The following SPOCK1 variants were observed in gnomAD, a reference collection of about 807,000 sequenced individuals.
SPOCK1 encodes SPARC (osteonectin), cwcv and kazal like domains proteoglycan 1.
A neutral mutation model predicts 55.3 loss-of-function variants in SPOCK1; 23 were observed. The ratio of observed to expected loss-of-function variants is 0.42; its 90% CI spans 0.30 to 0.59. SPOCK1 has a LOEUF of 0.59. SPOCK1 is among the 20% of genes least tolerant of loss of function. SPOCK1 has a pLI of 0.22. For missense variants in SPOCK1, 499 were observed against 552.5 expected (o/e 0.90, Z 0.97); for synonymous variants, 226 against 221.0 (o/e 1.02, Z -0.20).
intron 2 of SPOCK1, among the ~76,000 whole-genome samples, chr5:137,290,218 A>C (rs1326765279): frequency 2.0e-5 from 3 of 152,256 alleles, no homozygotes; most frequent in Non-Finnish European, 4.4e-5. Context: ...CAGGAATATT[A>C]ATCAAATGGA....
intron 3 of SPOCK1, among the ~76,000 whole-genome samples, chr5:137,175,049 G>C (rs1322779193): frequency 6.6e-6 from 1 of 152,276 alleles, no homozygotes; most frequent in East Asian, 1.9e-4. Flanking sequence ...AAAATCTACA[G>C]TTCAGTCCTG....
In SPOCK1 at chr5:136,991,328, A is replaced by C. The variant is rs753947652; in HGVS notation, c.706+1156T>G. ...CCAAGAACCACTTTGGAGACACTTAAATGCTATTTTTTTCTTAAGGTAAAA... is the reference window on the plus strand; with the variant it reads ...CCAAGAACCACTTTGGAGACACTTACATGCTATTTTTTTCTTAAGGTAAAA... On this transcript the variant is annotated intron_variant, in intron 7 of 10. Coordinates refer to ENST00000394945, the MANE Select transcript of SPOCK1 (RefSeq NM_004598.4). Among the ~76,000 whole-genome samples, 5 of 152,036 alleles carry C rather than the reference A, an allele frequency of 3.3e-5. 1 individual carries two copies. The highest frequency in any genetic ancestry group is 7.2e-5 in the African/African-American group (3 of 41,390).
intron 6 of SPOCK1, among the ~76,000 whole-genome samples, chr5:136,998,713 G>C (rs1416544172): frequency 4.6e-5 from 7 of 152,228 alleles, no homozygotes; most frequent in Admixed American, 3.3e-4. Flanking sequence ...ACCTTTGTTA[G>C]CTTTGGTGTG....
At chr5:137,238,268 T>C (rs939104514) in intron 3 of SPOCK1, among the ~76,000 whole-genome samples, 14 of 152,208 alleles carry the variant, frequency 9.2e-5, no homozygotes, top group African/African-American at 3.4e-4. Flanking sequence ...TTGCATAATA[T>C]GCCTCCCCAA....
chr5:137,476,228 G>A (rs1024836865), intron 2 of SPOCK1, among the ~76,000 whole-genome samples: 6 of 151,926 alleles, frequency 3.9e-5, no homozygotes, highest in African/African-American at 1.2e-4. Context: ...TTATACAGTT[G>A]CTTATATGCA....
chr5:137,103,276 A>G (rs1455648884), intron 5 of SPOCK1, among the ~76,000 whole-genome samples: 1 of 152,148 alleles, frequency 6.6e-6, no homozygotes, highest in Non-Finnish European at 1.5e-5. Context: ...ATGAGCCACC[A>G]CGCCGGCTTT....
intron 4 of SPOCK1, among the ~76,000 whole-genome samples, chr5:137,122,719 T>A (rs1423146353): frequency 6.6e-6 from 1 of 152,222 alleles, no homozygotes; most frequent in African/African-American, 2.4e-5. Context: ...CCAGAGCAGC[T>A]GGGAAAGCAC....
At chr5:136,986,789 G>A (rs1179589845) in intron 8 of SPOCK1, among the ~76,000 whole-genome samples, 1 of 152,082 alleles carries the variant, frequency 6.6e-6, no homozygotes, top group Non-Finnish European at 1.5e-5. Context: ...AACACCATGG[G>A]TTGATAGATC....
At position 136,978,556 on chromosome 5, in the gene SPOCK1, A is replaced by G; in HGVS notation, c.*98T>C. 7.5e-7 allele frequency: 1 copy of G among 1,336,274 alleles called. No individual in the cohort carries two copies. The highest frequency in any genetic ancestry group is 1.0e-6 in the Non-Finnish European group (1 of 976,962). 82.8% of individuals were successfully genotyped at this position (1,336,274 alleles called of 1,614,324 possible). On this transcript the variant is annotated 3_prime_UTR_variant, in exon 11 of 11. Coordinates refer to ENST00000394945, the MANE Select transcript of SPOCK1 (RefSeq NM_004598.4). ...GGTCGGGTATAGAGAGCAACAATGG[A>G]GAAGAGACCTTGGTGCCTTGGAGTC...
intron 9 of SPOCK1, among the ~76,000 whole-genome samples, chr5:136,981,555 TTTC>T (rs1260386088): frequency 2.0e-5 from 3 of 152,366 alleles, no homozygotes; most frequent in South Asian, 4.1e-4. Context: ...TAGATTTTTC[TTTC>T]TTCATCTTTG....
rs1484137720 is a variant in SPOCK1 at position 137,482,797 on chromosome 5, C to G, written c.186+15576G>C. On this transcript the variant is annotated intron_variant, in intron 2 of 10. Transcript: ENST00000394945. ...AAGGGAGAATACCCAGCCCATCCAT[C>G]TGGAGACTGTCAGTTCTCTTGGGGA... Among the ~76,000 whole-genome samples the G allele has an allele frequency of 2.6e-5, 4 of 152,210 alleles. No homozygotes were observed. In the East Asian group the frequency reaches 7.7e-4, roughly 29 times the overall value.
chr5:137,009,102 T>C (rs1751304042), intron 6 of SPOCK1, among the ~76,000 whole-genome samples: 2 of 152,294 alleles, frequency 1.3e-5, no homozygotes, highest in Admixed American at 1.3e-4. Flanking sequence ...GAATAAGATT[T>C]TATTTTCAGA....
chr5:137,067,010 A>AGAGAGAGAGAGAGAGAG (rs1561596971), intron 6 of SPOCK1, among the ~76,000 whole-genome samples: 2 of 151,330 alleles, frequency 1.3e-5, no homozygotes, highest in African/African-American at 4.9e-5. Flanking sequence ...AGAGAGAGAG[A>AGAGAGAGAGAGAGAGAG]AATGCAACAA....
At chr5:137,087,932 T>C (rs192674596) in intron 5 of SPOCK1, among the ~76,000 whole-genome samples, 76 of 152,308 alleles carry the variant, frequency 5.0e-4, no homozygotes, top group Middle Eastern at 3.4e-3. Context: ...CTGACGACAC[T>C]ACATGCTTTC....
chr5:137,170,690 G>T (rs1233092988), intron 3 of SPOCK1, among the ~76,000 whole-genome samples: 2 of 151,998 alleles, frequency 1.3e-5, no homozygotes, highest in African/African-American at 4.8e-5. Flanking sequence ...CCAGGAAGAG[G>T]CGCTCACCAG....
intron 3 of SPOCK1, among the ~76,000 whole-genome samples, chr5:137,153,868 A>T (rs1754364038): frequency 2.0e-5 from 3 of 151,486 alleles, no homozygotes; most frequent in Admixed American, 2.0e-4. Context: ...AAAAAAACAA[A>T]AAAACAAAAA....
intron 3 of SPOCK1, among the ~76,000 whole-genome samples, chr5:137,260,782 T>TA (rs1340612766): frequency 2.0e-5 from 3 of 152,202 alleles, no homozygotes; most frequent in Admixed American, 6.5e-5. Context: ...TTAGAATGTT[T>TA]AAAAATCAAT....
chr5:137,099,557 T>A (rs1753219706), intron 5 of SPOCK1, among the ~76,000 whole-genome samples: 1 of 134,854 alleles, frequency 7.4e-6, no homozygotes, highest in South Asian at 2.4e-4. Flanking sequence ...CTAACAGATT[T>A]AAAAAAATAT....
At chr5:137,211,216 T>G (rs1755608139) in intron 3 of SPOCK1, among the ~76,000 whole-genome samples, 1 of 152,168 alleles carries the variant, frequency 6.6e-6, no homozygotes. Context: ...ATCCCATTGG[T>G]GCATAGGAGT....
Sources: gnomAD v4.1 joint callset for allele counts (sites outside exome capture counted in the v4.1 genomes callset) on GRCh38, gnomAD v4.1.1 for gene constraint, MANE v1.5 for transcripts, NCBI Gene and HGNC (gene_info 2026-07-23, HGNC 2026-07-21) for gene names.